Variants in MDGA1 observed in about 807,000 individuals in gnomAD.
MDGA1 encodes MAM domain containing glycosylphosphatidylinositol anchor 1, also known as MAM domain-containing glycosylphosphatidylinositol anchor protein 1.
MDGA1 carries 54 observed loss-of-function variants against 101.5 expected under a neutral mutation model. The observed-to-expected ratio is 0.53, with a 90% CI of 0.43 to 0.67. The LOEUF (loss-of-function observed/expected upper bound fraction) is 0.67. Among genes scored for constraint, MDGA1 ranks in the 30% least tolerant of loss-of-function variants. The pLI, the probability that MDGA1 is intolerant of heterozygous loss-of-function variation, is 0.00. For synonymous variants in MDGA1, 533 were observed against 558.3 expected (o/e 0.95, Z 0.64); for missense variants, 1,083 against 1,323.8 (o/e 0.82, Z 2.82).
chr6:37,648,947 C>T (rs1340480842), intron 9 of MDGA1, 35 bp downstream of exon 9: 3 of 1,538,954 alleles, frequency 1.9e-6, no homozygotes, highest in East Asian at 2.5e-5. Flanking sequence ...CCCTGGTGGG[C>T]GTGGTAGGTG....
chr6:37,652,369 T>A lies in MDGA1; in HGVS notation c.983-29A>T. The A allele has an allele frequency of 2.6e-6, 4 of 1,554,654 alleles. No homozygotes were observed. The highest frequency in any genetic ancestry group is 3.5e-6 in the Non-Finnish European group (4 of 1,145,004). On this transcript the variant is annotated intron_variant, in intron 6 of 16. Transcript: ENST00000434837. The surrounding 1 kb of genome is among the most constrained non-coding windows in gnomAD (Gnocchi z 4.3). ...TGAGTGGATGGGGAGGGAAGGGTAG[T>A]TGGGGTTGGCCTGACTCCAGGGGTC... is the stretch of plus-strand genomic sequence containing the variant.
chr6:37,658,501 C>T (rs1442480051), intron 2 of MDGA1, 82 bp from the exon 3 acceptor site: 21 of 1,360,140 alleles, frequency 1.5e-5, no homozygotes, highest in Non-Finnish European at 1.9e-5. Flanking sequence ...TGCAACGGCA[C>T]CCCCTTTCTC....
rs1303770323 is a variant in MDGA1, at chr6:37,631,608, C to G, written c.*5760G>C. ...TATGATGTAGTCCATATCATGACATCCACACCCTTGATTTGGGGTCACTTT... is the reference window on the plus strand; with the variant it reads ...TATGATGTAGTCCATATCATGACATGCACACCCTTGATTTGGGGTCACTTT... On this transcript the variant is annotated 3_prime_UTR_variant, in exon 17 of 17. Coordinates refer to ENST00000434837, the MANE Select transcript of MDGA1 (RefSeq NM_153487.4). The G allele has an allele frequency of 6.6e-6, 1 of 152,190 alleles. No homozygotes were observed. The highest frequency in any genetic ancestry group is 1.5e-5 in the Non-Finnish European group (1 of 68,054). The allele number at this position is 152,190 out of a possible 1,614,324, so 9.4% of individuals were successfully genotyped here. A position where few individuals can be genotyped will look rare whatever the true frequency, so the allele number is the denominator to read the frequency against.
At chr6:37,645,894 A>T (rs1761181727) in intron 12 of MDGA1, 39 bp downstream of exon 12, 1 of 1,609,468 alleles carries the variant, frequency 6.2e-7, no homozygotes, top group African/African-American at 1.3e-5. Flanking sequence ...TTGTGTCCCT[A>T]AAGGGAAGGG....
intron 2 of MDGA1, among the ~76,000 whole-genome samples, chr6:37,662,206 T>G (rs1180529676): frequency 6.8e-6 from 1 of 146,146 alleles, no homozygotes; most frequent in Non-Finnish European, 1.5e-5. Flanking sequence ...AGGTGAGAGA[T>G]TGGGAGGTCA....
intron 1 of MDGA1, among the ~76,000 whole-genome samples, chr6:37,676,216 G>A (rs757495996): frequency 6.6e-6 from 1 of 152,218 alleles, no homozygotes; most frequent in Admixed American, 6.5e-5. Context: ...TGGCACAGTC[G>A]CTAGGGATAG....
intron 1 of MDGA1, among the ~76,000 whole-genome samples, chr6:37,688,286 C>G (rs546352331): frequency 6.6e-6 from 1 of 152,348 alleles, no homozygotes; most frequent in East Asian, 1.9e-4. Context: ...ATTCAGGAGG[C>G]CCGGGGTGGG....
chr6:37,663,859 T>C, intron 2 of MDGA1, 108 bp downstream of exon 2: 2 of 1,257,436 alleles, frequency 1.6e-6, no homozygotes, highest in Non-Finnish European at 1.1e-6. Context: ...TCTGCCTCCA[T>C]GCTGCGGTGC....
At chr6:37,680,999 C>G (rs550814064) in intron 1 of MDGA1, among the ~76,000 whole-genome samples, 59 of 150,572 alleles carry the variant, frequency 3.9e-4, no homozygotes, top group South Asian at 2.1e-3. Flanking sequence ...CTCCTCAGCC[C>G]CCCCCCCCCA....
At position 37,654,255 on chromosome 6, in the gene MDGA1, C is replaced by A; in HGVS notation, c.982+19G>T. ...GTCTGCCTCACAACTTCCCTCCCACCCCTTCTGAGGCCACGTACATCGCAC... is the reference window on the plus strand; with the variant it reads ...GTCTGCCTCACAACTTCCCTCCCACACCTTCTGAGGCCACGTACATCGCAC... On this transcript the variant is annotated intron_variant, in intron 6 of 16. Coordinates refer to ENST00000434837, the MANE Select transcript of MDGA1 (RefSeq NM_153487.4). 6.6e-7 allele frequency: 1 copy of A among 1,520,224 alleles called. No individual in the cohort carries two copies. Among genetic ancestry groups the A allele is most frequent in the Non-Finnish European group, 8.8e-7 (1 of 1,134,334 alleles). The allele number at this position is 1,520,224 out of a possible 1,614,324, so 94.2% of individuals were successfully genotyped here.
At chr6:37,693,641 T>C (rs555487371) in intron 1 of MDGA1, among the ~76,000 whole-genome samples, 104 of 152,340 alleles carry the variant, frequency 6.8e-4, no homozygotes, top group Middle Eastern at 3.4e-3. Flanking sequence ...CCTGACGCTA[T>C]CCGCATGCAA....
rs1761462168 is a variant in MDGA1 at position 37,655,461 on chromosome 6, C to G, written c.579+239G>C. The G allele has an allele frequency of 2.2e-6, 1 of 463,762 alleles. No individual in the cohort carries two copies. The highest frequency in any genetic ancestry group is 3.8e-6 in the Non-Finnish European group (1 of 263,074). 28.7% of individuals were successfully genotyped at this position (463,762 alleles called of 1,614,324 possible). A position where few individuals can be genotyped will look rare whatever the true frequency, so the allele number is the denominator to read the frequency against. On this transcript the variant is annotated intron_variant, in intron 4 of 16. Coordinates refer to ENST00000434837, the MANE Select transcript of MDGA1 (RefSeq NM_153487.4). This position sits in a 1 kb window ranked among gnomAD's most constrained non-coding sequence, Gnocchi z 5.1. ...TGCCCCTAGGGGTGCCTTTTCCTAA[C>G]TAGCAATGTTCCTGGAGGACATGTT...
chr6:37,672,108 T>C (rs1333523348), intron 1 of MDGA1, among the ~76,000 whole-genome samples: 1 of 150,824 alleles, frequency 6.6e-6, no homozygotes, highest in Non-Finnish European at 1.5e-5. Context: ...ATCACTGCAC[T>C]CCAACCTGGG....
At chr6:37,687,535 C>G (rs957566623) in intron 1 of MDGA1, among the ~76,000 whole-genome samples, 1 of 152,150 alleles carries the variant, frequency 6.6e-6, no homozygotes, top group African/African-American at 2.4e-5. Context: ...CACCACTGTT[C>G]TCCAGCCTGC....
chr6:37,650,145 G>T lies in MDGA1; in HGVS notation c.1573C>A (p.Arg525Ser), dbSNP rs1271401275. Reference protein sequence around the residue: ...QTARYNGFNVRPREAQVQLNV... With the variant: ...QTARYNGFNVSPREAQVQLNV... The stretch of plus-strand genomic sequence containing the variant: ...AGCTGCACCTGGGCCTCACGGGGGC[G>T]CACGTTGAAGCCATTATAGCGGGCC... Residue 525 changes from arginine to serine, a missense_variant, in exon 8 of 17, where the codon CGC (arginine) becomes AGC (serine). By Grantham distance (110) the Arg-to-Ser change is moderately radical (BLOSUM62 -1). Around this residue, in one of 3 missense-constraint regions of MDGA1, gnomAD observed 657 missense variants for 771.4 expected, o/e 0.85. Transcript: ENST00000434837. The T allele has an allele frequency of 1.2e-6, 2 of 1,606,520 alleles. No homozygotes were observed. The highest frequency in any genetic ancestry group is 1.7e-6 in the Non-Finnish European group (2 of 1,174,152).
intron 1 of MDGA1, among the ~76,000 whole-genome samples, chr6:37,666,699 G>A (rs188805548): frequency 3.6e-4 from 55 of 152,336 alleles, no homozygotes; most frequent in African/African-American, 1.3e-3. Context: ...AATGTTGAAC[G>A]AATGGATTTA....
At chr6:37,649,888 G>T in intron 8 of MDGA1, 1 of 714,170 alleles carries the variant, frequency 1.4e-6, no homozygotes, top group Non-Finnish European at 2.5e-6. Context: ...TTTGTTCACC[G>T]GGTCCCTGAA....
At chr6:37,678,937 G>A (rs1762037739) in intron 1 of MDGA1, among the ~76,000 whole-genome samples, 1 of 151,720 alleles carries the variant, frequency 6.6e-6, no homozygotes, top group South Asian at 2.1e-4. Flanking sequence ...ACCCCTGGGA[G>A]CAAAAGCACA....
chr6:37,683,322 G>A, intron 1 of MDGA1, among the ~76,000 whole-genome samples: 1 of 152,216 alleles, frequency 6.6e-6, no homozygotes, highest in South Asian at 2.1e-4. Flanking sequence ...TTTACAGCCT[G>A]GAATGGAGGC....
Sources: allele counts gnomAD v4.1 joint callset (sites outside exome capture counted in the v4.1 genomes callset), GRCh38; gene constraint gnomAD v4.1.1; regional missense constraint gnomAD v4.1.1; non-coding constraint Gnocchi (gnomAD v3.1); transcripts MANE v1.5; gene names NCBI Gene and HGNC (gene_info 2026-07-23, HGNC 2026-07-21).